POU6F2: variants seen among roughly 807,000 people sequenced by gnomAD.
The protein encoded by POU6F2 is POU class 6 homeobox 2.
In POU6F2, 31 loss-of-function variants were observed where a neutral mutation model predicts 71.3. The ratio of observed to expected loss-of-function variants is 0.43; its 90% CI spans 0.33 to 0.59. The LOEUF is 0.59. Among genes scored for constraint, POU6F2 ranks in the 20% least tolerant of loss-of-function variants. POU6F2 has a pLI of 0.04. For missense variants in POU6F2, 783 were observed against 856.8 expected (o/e 0.91, Z 1.07); for synonymous variants, 347 against 355.7 (o/e 0.98, Z 0.27).
chr7:39,198,180 T>C (rs1450486095), intron 2 of POU6F2, among the ~76,000 whole-genome samples: 1 of 152,128 alleles, frequency 6.6e-6, no homozygotes, highest in African/African-American at 2.4e-5. Context: ...TGATAAAAAA[T>C]TATTGGAGGA....
At chr7:39,237,177 A>G (rs73126449) in intron 4 of POU6F2, among the ~76,000 whole-genome samples, 2 of 152,342 alleles carry the variant, frequency 1.3e-5, no homozygotes, top group Non-Finnish European at 2.9e-5. Flanking sequence ...AAGGCGCATC[A>G]GCAAATGGAA....
rs1289623306 is a variant in POU6F2, at chr7:39,237,771, C to G, written c.598+30151C>G. On this transcript the variant is annotated intron_variant, in intron 4 of 9. Coordinates refer to ENST00000518318, the MANE Select transcript of POU6F2 (RefSeq NM_001370959.1). The stretch of plus-strand genomic sequence containing the variant: ...GGGGCACCCATACAAAAGGGAAGAG[C>G]CTCTCAAATGAAAACTCACTTTTAA... Among the ~76,000 whole-genome samples the G allele has an allele frequency of 2.0e-5, 3 of 151,914 alleles. No homozygotes were observed. In the East Asian group the frequency reaches 5.8e-4, roughly 29 times the overall value.
At chr7:39,110,213 GTGAGC>G (rs983919181) in intron 2 of POU6F2, among the ~76,000 whole-genome samples, 2 of 148,624 alleles carry the variant, frequency 1.3e-5, no homozygotes, top group African/African-American at 5.0e-5. Flanking sequence ...GGAGGTTGCA[GTGAGC>G]TGAGATCGCA....
intron 2 of POU6F2, among the ~76,000 whole-genome samples, chr7:39,189,909 A>G (rs1277698607): frequency 6.6e-6 from 1 of 151,548 alleles, no homozygotes; most frequent in Non-Finnish European, 1.5e-5. Flanking sequence ...TGGTGTATGT[A>G]TGTCGACAGG....
intron 2 of POU6F2, among the ~76,000 whole-genome samples, chr7:39,092,371 T>G (rs1173008537): frequency 6.6e-6 from 1 of 152,238 alleles, no homozygotes; most frequent in East Asian, 1.9e-4. Flanking sequence ...GGTGTTTTTG[T>G]TCAGCTTTTC....
Position 39,290,385 on chromosome 7 carries a change from C to T in POU6F2, c.599-49257C>T, listed in dbSNP as rs181846710. ...TTCAGGCTGCCTAGACAAGTCTCCC[C>T]ACCAAGCCACTCCCTGTACAGAATC... On this transcript the variant is annotated intron_variant, in intron 4 of 9. Coordinates refer to ENST00000518318, the MANE Select transcript of POU6F2 (RefSeq NM_001370959.1). Among the ~76,000 whole-genome samples the T allele has an allele frequency of 4.3e-3, 662 of 152,244 alleles. 10 individuals are homozygous for T. Among genetic ancestry groups the T allele is most frequent in the East Asian group, 0.032 (163 of 5,168 alleles).
In POU6F2 at chr7:38,979,548, G is replaced by A. The variant is rs952782221; in HGVS notation, c.105+1490G>A. 6.6e-5 allele frequency among the ~76,000 whole-genome samples: 10 copies of A among 152,212 alleles called. No individual in the cohort carries two copies. The South Asian group carries it at 1.7e-3, about 25-fold the overall frequency. ...AGCATATATAAAGTGAAGTCTCTAG[G>A]CAGGAGAAAATATATAAACTGATTT... On this transcript the variant is annotated intron_variant, in intron 1 of 9. Coordinates refer to ENST00000518318, the MANE Select transcript of POU6F2 (RefSeq NM_001370959.1).
At chr7:39,119,519 G>A (rs1231027729) in intron 2 of POU6F2, among the ~76,000 whole-genome samples, 1 of 152,038 alleles carries the variant, frequency 6.6e-6, no homozygotes, top group Non-Finnish European at 1.5e-5. Context: ...GAAACGGGGT[G>A]GAGAGAATTC....
At chr7:39,111,624 T>C (rs1195539241) in intron 2 of POU6F2, among the ~76,000 whole-genome samples, 3 of 152,210 alleles carry the variant, frequency 2.0e-5, no homozygotes, top group African/African-American at 7.2e-5. Context: ...AGATAAAAAA[T>C]AGATATAGAG....
chr7:39,227,926 A>G (rs935008077), intron 4 of POU6F2, among the ~76,000 whole-genome samples: 3 of 152,124 alleles, frequency 2.0e-5, no homozygotes, highest in African/African-American at 7.2e-5. Flanking sequence ...ACAGCTCTGT[A>G]AGAGCAGGTG....
chr7:39,355,604 GA>G (rs1272522103), intron 5 of POU6F2, among the ~76,000 whole-genome samples: 1 of 151,952 alleles, frequency 6.6e-6, no homozygotes, highest in Admixed American at 6.5e-5. Flanking sequence ...CATGTGATAT[GA>G]GCCCCTAAAC....
intron 2 of POU6F2, among the ~76,000 whole-genome samples, chr7:39,177,280 A>C (rs1793350636): frequency 6.6e-6 from 1 of 152,124 alleles, no homozygotes; most frequent in South Asian, 2.1e-4. Context: ...TTCTGCCTTC[A>C]CACAGAGTTC....
At chr7:39,156,906 T>C (rs186041104) in intron 2 of POU6F2, among the ~76,000 whole-genome samples, 7 of 152,344 alleles carry the variant, frequency 4.6e-5, no homozygotes, top group Non-Finnish European at 8.8e-5. Flanking sequence ...GTAATGCTTT[T>C]GTGTCACTTG....
intron 1 of POU6F2, among the ~76,000 whole-genome samples, chr7:39,022,154 A>G (rs1008613413): frequency 2.6e-5 from 4 of 151,744 alleles, no homozygotes; most frequent in African/African-American, 9.7e-5. Context: ...CTTTTCTTTT[A>G]TGATATTCAC....
chr7:39,069,084 G>C (rs1232859577), intron 1 of POU6F2, among the ~76,000 whole-genome samples: 2 of 152,206 alleles, frequency 1.3e-5, no homozygotes, highest in African/African-American at 4.8e-5. Context: ...ATTGCCCACT[G>C]TGGGTTTGAG....
At chr7:39,028,228 T>C (rs1484082672) in intron 1 of POU6F2, among the ~76,000 whole-genome samples, 3 of 152,188 alleles carry the variant, frequency 2.0e-5, no homozygotes, top group Non-Finnish European at 2.9e-5. Flanking sequence ...TTGTCAGTTA[T>C]GTTCATTCTA....
chr7:39,157,471 A>G (rs1361119875), intron 2 of POU6F2, among the ~76,000 whole-genome samples: 1 of 152,142 alleles, frequency 6.6e-6, no homozygotes, highest in Middle Eastern at 3.2e-3. Flanking sequence ...GTTATTGCAA[A>G]TCCAGTCTCA....
At chr7:39,199,857 G>A (rs962635870) in intron 2 of POU6F2, among the ~76,000 whole-genome samples, 16 of 152,188 alleles carry the variant, frequency 1.1e-4, no homozygotes, top group Non-Finnish European at 2.1e-4. Flanking sequence ...GTATTTTGAT[G>A]TCTTCACCAT....
chr7:39,032,161 G>A (rs1004847269), intron 1 of POU6F2, among the ~76,000 whole-genome samples: 1 of 152,036 alleles, frequency 6.6e-6, no homozygotes, highest in Non-Finnish European at 1.5e-5. Context: ...TTACCAGTGG[G>A]CATTGGATGT....
Sources: gnomAD v4.1 joint callset for allele counts (sites outside exome capture counted in the v4.1 genomes callset) on GRCh38, gnomAD v4.1.1 for gene constraint, MANE v1.5 for transcripts, NCBI Gene and HGNC (gene_info 2026-07-23, HGNC 2026-07-21) for gene names.